The following C10orf90 variants were observed in gnomAD, a reference collection of about 807,000 sequenced individuals.
The protein encoded by C10orf90 is (E2-independent) E3 ubiquitin-conjugating enzyme FATS.
C10orf90 carries 56 observed loss-of-function variants against 62.5 expected under a neutral mutation model. The observed-to-expected ratio is 0.90, with a 90% CI of 0.72 to 1.12. The LOEUF is 1.12. Ranked by LOEUF, C10orf90 falls within the 50% of genes most tolerant of loss-of-function variation. The pLI, the probability that C10orf90 is intolerant of heterozygous loss-of-function variation, is 0.00. For missense variants in C10orf90, 970 were observed against 880.4 expected, an observed-to-expected ratio of 1.10 and a Z score of -1.29; for synonymous variants, 386 against 340.4, an observed-to-expected ratio of 1.13 and a Z score of -1.47.
In C10orf90 at chr10:126,662,067, C is replaced by T. The variant is rs910923990; in HGVS notation, c.240+8174G>A. Among the ~76,000 whole-genome samples the T allele has an allele frequency of 7.6e-5, 11 of 144,456 alleles. No individual in the cohort carries two copies. The East Asian group carries it at 2.3e-3, about 30-fold the overall frequency. 94.8% of individuals were successfully genotyped at this position (144,456 alleles called of 152,430 possible). On this transcript the variant is annotated intron_variant, in intron 1 of 9. Coordinates refer to ENST00000488181, the MANE Select transcript of C10orf90 (RefSeq NM_001350921.2). ...AGACATTGTAAATTTTATATTATTG[C>T]TTGCTGGATTTTGTTGTAGTCTTGT...
In C10orf90 at chr10:126,660,425, T is replaced by C. The variant is rs188728371; in HGVS notation, c.240+9816A>G. On this transcript the variant is annotated intron_variant, in intron 1 of 9. Coordinates refer to ENST00000488181, the MANE Select transcript of C10orf90 (RefSeq NM_001350921.2). ...AAGAAGCAAACAACGTATTGTGAGC[T>C]GCCCACGGCTAGAGCCTCAGACAGG... Among the ~76,000 whole-genome samples the C allele has an allele frequency of 3.3e-5, 5 of 152,364 alleles. No homozygotes were observed. The East Asian group carries it at 9.6e-4, about 29-fold the overall frequency.
At chr10:126,523,877 T>C (rs1382394704) in intron 2 of C10orf90, among the ~76,000 whole-genome samples, 2 of 152,218 alleles carry the variant, frequency 1.3e-5, no homozygotes, top group Admixed American at 1.3e-4. Context: ...TCAGGGTTCA[T>C]CCGTGTTGTA....
At chr10:126,613,662 A>G (rs1403069563) in intron 2 of C10orf90, among the ~76,000 whole-genome samples, 3 of 152,338 alleles carry the variant, frequency 2.0e-5, no homozygotes, top group African/African-American at 2.4e-5. Context: ...TCCCTCTTCA[A>G]TCACTGCAGA....
At chr10:126,480,239 GT>G (rs1009012030) in intron 4 of C10orf90, among the ~76,000 whole-genome samples, 6 of 152,196 alleles carry the variant, frequency 3.9e-5, no homozygotes, top group African/African-American at 1.4e-4. Flanking sequence ...CGTTTAAAGT[GT>G]GATAAAATGT....
chr10:126,577,870 G>T (rs1006186021), intron 2 of C10orf90, among the ~76,000 whole-genome samples: 2 of 152,046 alleles, frequency 1.3e-5, no homozygotes, highest in Non-Finnish European at 2.9e-5. Context: ...ATGCAATACC[G>T]TAATGTAATG....
chr10:126,665,959 A>C (rs747386903), intron 1 of C10orf90, among the ~76,000 whole-genome samples: 4 of 152,238 alleles, frequency 2.6e-5, no homozygotes, highest in Non-Finnish European at 4.4e-5. Flanking sequence ...CACATCATTC[A>C]GGAGCTATTT....
chr10:126,573,535 TCCTC>T (rs968433722), intron 2 of C10orf90, among the ~76,000 whole-genome samples: 17 of 152,288 alleles, frequency 1.1e-4, no homozygotes, highest in African/African-American at 3.6e-4. Context: ...CATGAATCCT[TCCTC>T]GGGGTCTGGA....
intron 3 of C10orf90, among the ~76,000 whole-genome samples, chr10:126,507,475 C>A (rs796690537): frequency 1.1e-4 from 14 of 131,086 alleles, no homozygotes; most frequent in South Asian, 2.5e-4. Context: ...AAAAATAAAT[C>A]AAAATATCCA....
chr10:126,494,487 G>A (rs556014345), intron 4 of C10orf90, among the ~76,000 whole-genome samples: 15 of 152,212 alleles, frequency 9.9e-5, no homozygotes, highest in Admixed American at 5.9e-4. Flanking sequence ...GAGGATGCAC[G>A]ACTCTGGAAA....
Position 126,430,755 on chromosome 10 carries a change from G to A in C10orf90, c.2189-905C>T, listed in dbSNP as rs146782069. On this transcript the variant is annotated intron_variant, in intron 7 of 9. Transcript: ENST00000488181. ...CTCCTTGCCAAGCATCAGAGTTGGA[G>A]TGGGGCTCCTGCGATCCCCAGTGAA... 3.2e-4 allele frequency among the ~76,000 whole-genome samples: 49 copies of A among 152,342 alleles called. No individual in the cohort carries two copies. The East Asian group carries it at 5.0e-3, about 16-fold the overall frequency.
intron 2 of C10orf90, among the ~76,000 whole-genome samples, chr10:126,621,135 A>C (rs751922379): frequency 5.9e-5 from 9 of 152,198 alleles, no homozygotes; most frequent in Non-Finnish European, 1.2e-4. Flanking sequence ...GAACATCTTC[A>C]AGTATATAGT....
At chr10:126,599,001 A>G (rs1338015272) in intron 2 of C10orf90, among the ~76,000 whole-genome samples, 1 of 152,160 alleles carries the variant, frequency 6.6e-6, no homozygotes, top group Admixed American at 6.5e-5. Flanking sequence ...TCTCATTGCT[A>G]TTTTGTTGAC....
At chr10:126,458,979 C>A in intron 7 of C10orf90, 61 bp downstream of exon 7, 1 of 1,538,110 alleles carries the variant, frequency 6.5e-7, no homozygotes, top group Non-Finnish European at 8.8e-7. Flanking sequence ...GTGAAGCCTC[C>A]AGCTCCAGGA....
chr10:126,624,852 C>T (rs1028602295), intron 2 of C10orf90, among the ~76,000 whole-genome samples: 5 of 152,034 alleles, frequency 3.3e-5, no homozygotes, highest in South Asian at 4.2e-4. Context: ...CAAGGTTGCC[C>T]GCAGCAGGTT....
chr10:126,448,223 G>GA (rs1046232626), intron 7 of C10orf90, among the ~76,000 whole-genome samples: 7 of 151,506 alleles, frequency 4.6e-5, no homozygotes, highest in African/African-American at 1.7e-4. Flanking sequence ...GTAACAGGAG[G>GA]AATTTTTGAA....
At chr10:126,546,016 G>A (rs66554710) in intron 2 of C10orf90, among the ~76,000 whole-genome samples, 33,870 of 151,938 alleles carry the variant, frequency 0.22, 4,317 homozygotes, top group African/African-American at 0.36. Context: ...ACATGGTGAC[G>A]AATTCCCTGG....
At chr10:126,667,699 TAGAG>T (rs1304247769) in intron 1 of C10orf90, among the ~76,000 whole-genome samples, 1 of 152,174 alleles carries the variant, frequency 6.6e-6, no homozygotes, top group Non-Finnish European at 1.5e-5. Flanking sequence ...CTCTGCTGCA[TAGAG>T]AGTCTCAGAA....
At chr10:126,549,744 C>CAAAAAA (rs35430859) in intron 2 of C10orf90, among the ~76,000 whole-genome samples, 1 of 143,758 alleles carries the variant, frequency 7.0e-6, no homozygotes, top group Non-Finnish European at 1.5e-5. Context: ...TTCATAATAG[C>CAAAAAA]AAAAAAAAAA....
At chr10:126,531,282 G>C (rs1180807215) in intron 2 of C10orf90, among the ~76,000 whole-genome samples, 1 of 152,186 alleles carries the variant, frequency 6.6e-6, no homozygotes, top group East Asian at 1.9e-4. Context: ...GGGACATTTG[G>C]CAATGTCTGG....
Sources: gnomAD v4.1 joint callset for allele counts (sites outside exome capture counted in the v4.1 genomes callset) on GRCh38, gnomAD v4.1.1 for gene constraint, MANE v1.5 for transcripts, NCBI Gene and HGNC (gene_info 2026-07-23, HGNC 2026-07-21) for gene names.